Variants in LMF1 observed in about 807,000 individuals in gnomAD.
LMF1 encodes transmembrane protein 112.
LMF1 carries 68 observed loss-of-function variants against 60.6 expected under a neutral mutation model. That is an observed-to-expected ratio of 1.12 (90% CI 0.92 to 1.37). The LOEUF (loss-of-function observed/expected upper bound fraction) is 1.37, where lower values mean the gene tolerates loss of function less well. LMF1 is among the 40% of genes most tolerant of loss of function. LMF1 has a pLI of 0.00. For missense variants in LMF1, 948 were observed against 767.2 expected (o/e 1.24, Z -2.78); for synonymous variants, 418 against 324.7 (o/e 1.29, Z -3.09).
chr16:882,100 G>A (rs1048271498), intron 5 of LMF1, among the ~76,000 whole-genome samples: 5 of 152,186 alleles, frequency 3.3e-5, no homozygotes, highest in Admixed American at 6.5e-5. Context: ...GCCACAGCAG[G>A]GACACAGTGC....
rs148961248 is a variant in LMF1, at chr16:878,038, G to A, written c.897+1532C>T. Among the ~76,000 whole-genome samples the A allele has an allele frequency of 3.4e-4, 51 of 152,134 alleles. 2 individuals carry two copies. Among genetic ancestry groups the A allele is most frequent in the Middle Eastern group, 3.4e-3 (1 of 294 alleles). ...TCCAGGAGCCCCCAAACACACATGGGGTCTGGCTACACGGAACCGACTGAA... is the reference window on the plus strand; with the variant it reads ...TCCAGGAGCCCCCAAACACACATGGAGTCTGGCTACACGGAACCGACTGAA... On this transcript the variant is annotated intron_variant, in intron 6 of 10. Transcript: ENST00000262301. This position sits in a 1 kb window ranked among gnomAD's most constrained non-coding sequence, Gnocchi z 5.2.
chr16:936,338 G>A (rs2071944628), intron 2 of LMF1, among the ~76,000 whole-genome samples: 1 of 136,906 alleles, frequency 7.3e-6, no homozygotes, highest in South Asian at 2.5e-4. Flanking sequence ...GAGAGAGGGG[G>A]CACCGTGTGG....
rs1268440500 is a variant in LMF1, at chr16:874,072, G to T, written c.898-2731C>A. Among the ~76,000 whole-genome samples, 1 of 152,150 alleles carries T rather than the reference G, an allele frequency of 6.6e-6. No individual in the cohort carries two copies. Among genetic ancestry groups the T allele is most frequent in the Non-Finnish European group, 1.5e-5 (1 of 67,994 alleles). The stretch of plus-strand genomic sequence containing the variant: ...GTGAGGGTCTCCTTTGCCGGGTGTG[G>T]GGGGGGTATGGGAAGTTCTGGAACC... On this transcript the variant is annotated intron_variant, in intron 6 of 10. Transcript: ENST00000262301. This position sits in a 1 kb window ranked among gnomAD's most constrained non-coding sequence, Gnocchi z 4.1.
chr16:885,567 C>T (rs7196136), intron 5 of LMF1, among the ~76,000 whole-genome samples: 54,965 of 152,044 alleles, frequency 0.36, 15,893 homozygotes, highest in African/African-American at 0.79. Flanking sequence ...CAAACACGAG[C>T]GACGAGAAGG....
intron 1 of LMF1, chr16:980,657 C>G (rs1188791932): frequency 6.6e-6 from 1 of 151,816 alleles, no homozygotes; most frequent in Non-Finnish European, 1.5e-5. Context: ...TTGAAAGGAT[C>G]CGAGCCACCC....
intron 10 of LMF1, among the ~76,000 whole-genome samples, chr16:859,210 C>G (rs1327184514): frequency 5.2e-5 from 6 of 115,322 alleles, no homozygotes; most frequent in Admixed American, 2.5e-4. Flanking sequence ...AGTGGTGTCT[C>G]GGGACGGGTG....
intron 5 of LMF1, among the ~76,000 whole-genome samples, chr16:883,502 A>T (rs2070224980): frequency 6.6e-6 from 1 of 152,236 alleles, no homozygotes; most frequent in Non-Finnish European, 1.5e-5. Context: ...TTGAACTCTG[A>T]TGTTACTGGG....
intron 1 of LMF1, among the ~76,000 whole-genome samples, chr16:970,354 G>C (rs1033247320): frequency 2.7e-4 from 41 of 152,298 alleles, no homozygotes; most frequent in African/African-American, 8.9e-4. Context: ...CAGCAGGAGC[G>C]CCTCGCCTCT....
chr16:974,591 A>G (rs1297038103), upstream of LMF1, among the ~76,000 whole-genome samples: 4 of 152,192 alleles, frequency 2.6e-5, no homozygotes, highest in African/African-American at 9.6e-5. Flanking sequence ...GCCTCCCCGG[A>G]GACCGACCAG....
At chr16:861,511 C>T (rs1472170336) in intron 10 of LMF1, among the ~76,000 whole-genome samples, 1 of 152,050 alleles carries the variant, frequency 6.6e-6, no homozygotes, top group African/African-American at 2.4e-5. Context: ...GCATGCGTCA[C>T]CACACCTGGC....
At chr16:857,449 T>G (rs2069225235) in intron 10 of LMF1, among the ~76,000 whole-genome samples, 2 of 148,198 alleles carry the variant, frequency 1.3e-5, no homozygotes, top group South Asian at 2.2e-4. Flanking sequence ...ACGGGACGGG[T>G]GTGAGTGGTG....
chr16:947,010 C>G (rs1475008762), intron 2 of LMF1, among the ~76,000 whole-genome samples: 2 of 152,246 alleles, frequency 1.3e-5, no homozygotes, highest in Non-Finnish European at 2.9e-5. Flanking sequence ...GGTCAGCTCA[C>G]AGGCAGGACT....
intron 3 of LMF1, among the ~76,000 whole-genome samples, chr16:914,572 TTTCC>T (rs2071221039): frequency 1.4e-3 from 5 of 3,522 alleles, no homozygotes; most frequent in African/African-American, 3.1e-3. Context: ...ACACTCCCTC[TTTCC>T]CTCCCTTCCC....
intron 3 of LMF1, among the ~76,000 whole-genome samples, chr16:929,021 C>T (rs2071693602): frequency 6.6e-6 from 1 of 152,144 alleles, no homozygotes; most frequent in Non-Finnish European, 1.5e-5. Flanking sequence ...TGCACTCTGC[C>T]CCCTACTCAC....
chr16:876,328 C>T (rs150563446), intron 6 of LMF1, among the ~76,000 whole-genome samples: 104 of 151,272 alleles, frequency 6.9e-4, no homozygotes, highest in Non-Finnish European at 1.1e-3. Context: ...GACGGAGGGT[C>T]GGCGGGGCAC....
rs766503944 is a variant in LMF1, at chr16:870,116, CGAGTGGGGTGCAT to C, written c.1233-63_1233-51del. ...GGCCCACGTCACACACCGGCTGGGCCGAGTGGGGTGCATGGGTGGGGGGGGTTCCCCGACTGTC... is the reference window on the plus strand; with the variant it reads ...GGCCCACGTCACACACCGGCTGGGCCGGGTGGGGGGGGTTCCCCGACTGTC... On this transcript the variant is annotated intron_variant, in intron 8 of 10. Coordinates refer to ENST00000262301, the MANE Select transcript of LMF1 (RefSeq NM_022773.4). 27 of 1,570,636 alleles carry C rather than the reference CGAGTGGGGTGCAT, an allele frequency of 1.7e-5. No individual in the cohort carries two copies. The South Asian group carries it at 2.9e-4, about 17-fold the overall frequency.
intron 2 of LMF1, among the ~76,000 whole-genome samples, chr16:935,563 T>A (rs1343243366): frequency 8.1e-6 from 1 of 123,620 alleles, no homozygotes; most frequent in African/African-American, 3.8e-5. Context: ...TAGTGACAGC[T>A]GATGAGCTAA....
rs891780890 is a variant in LMF1, at chr16:880,230, C to T, written c.730-493G>A. Reference sequence around the variant, plus strand: ...ACCAGCAGGAATGGGGCCCGGGTCCCGAGCCCAGCTCAAGGCTCTAAGCGC... The same window carrying T: ...ACCAGCAGGAATGGGGCCCGGGTCCTGAGCCCAGCTCAAGGCTCTAAGCGC... On this transcript the variant is annotated intron_variant, in intron 5 of 10. Coordinates refer to ENST00000262301, the MANE Select transcript of LMF1 (RefSeq NM_022773.4). Among the ~76,000 whole-genome samples the T allele has an allele frequency of 8.5e-5, 13 of 152,134 alleles. No individual in the cohort carries two copies. In the South Asian group the frequency reaches 1.9e-3, roughly 22 times the overall value.
upstream of LMF1, chr16:981,363 T>A (rs1326010616): frequency 1.4e-3 from 408 of 299,724 alleles, 3 homozygotes; most frequent in African/African-American, 8.8e-3. Flanking sequence ...TGTGTGTGTG[T>A]GTGTGTGTGT....
Sources: allele counts gnomAD v4.1 joint callset (sites outside exome capture counted in the v4.1 genomes callset), GRCh38; gene constraint gnomAD v4.1.1; non-coding constraint Gnocchi (gnomAD v3.1); transcripts MANE v1.5; gene names NCBI Gene and HGNC (gene_info 2026-07-23, HGNC 2026-07-21).